LUZP2: variants seen among roughly 807,000 people sequenced by gnomAD.
LUZP2 encodes the protein leucine zipper protein 2.
Under a neutral mutation model 51.6 loss-of-function variants are expected in LUZP2, and 52 were observed. That is an observed-to-expected ratio of 1.01 (90% CI 0.81 to 1.27). The LOEUF is 1.27. Among genes scored for constraint, LUZP2 ranks in the 50% most tolerant of loss-of-function variants. The pLI is 0.00. For synonymous variants in LUZP2, 154 were observed against 137.3 expected (o/e 1.12, Z -0.85); for missense variants, 436 against 395.4 (o/e 1.10, Z -0.87).
chr11:24,562,699 C>CAAAAA (rs10692762), intron 1 of LUZP2, among the ~76,000 whole-genome samples: 2 of 138,820 alleles, frequency 1.4e-5, no homozygotes, highest in Admixed American at 7.3e-5. Flanking sequence ...TGAAAAAATA[C>CAAAAA]AAAAAAAAAA....
intron 10 of LUZP2, among the ~76,000 whole-genome samples, chr11:25,069,706 T>A (rs570104240): frequency 5.3e-5 from 8 of 152,094 alleles, no homozygotes; most frequent in African/African-American, 1.4e-4. Flanking sequence ...CAATTCATTT[T>A]ATCAACTTAT....
intron 1 of LUZP2, among the ~76,000 whole-genome samples, chr11:24,595,848 T>A (rs186372856): frequency 8.5e-4 from 129 of 152,296 alleles, no homozygotes; most frequent in African/African-American, 2.8e-3. Context: ...ACATTCAACA[T>A]AGGACAAGCC....
chr11:25,023,278 C>T (rs976649795), intron 9 of LUZP2, among the ~76,000 whole-genome samples: 8 of 151,764 alleles, frequency 5.3e-5, no homozygotes, highest in East Asian at 1.9e-4. Flanking sequence ...CATCTAATCC[C>T]GGACTTTTTT....
chr11:24,833,783 C>A (rs564726527), intron 5 of LUZP2, among the ~76,000 whole-genome samples: 1 of 152,062 alleles, frequency 6.6e-6, no homozygotes, highest in Admixed American at 6.6e-5. Flanking sequence ...ATTGCCTCCT[C>A]CTCATGTAAG....
At chr11:24,859,667 G>T (rs754511878) in intron 5 of LUZP2, among the ~76,000 whole-genome samples, 1 of 152,194 alleles carries the variant, frequency 6.6e-6, no homozygotes, top group East Asian at 1.9e-4. Context: ...CATCAAAATG[G>T]ACTAGAAGGC....
intron 5 of LUZP2, among the ~76,000 whole-genome samples, chr11:24,885,299 A>T (rs1852634480): frequency 6.6e-6 from 1 of 152,132 alleles, no homozygotes; most frequent in Admixed American, 6.6e-5. Flanking sequence ...TTATTGTAAT[A>T]ATAAGAGCTA....
intron 9 of LUZP2, among the ~76,000 whole-genome samples, chr11:25,030,198 T>C (rs1221518902): frequency 6.6e-6 from 1 of 152,198 alleles, no homozygotes; most frequent in African/African-American, 2.4e-5. Context: ...ATAGAATCAG[T>C]AATATTCTCT....
At position 24,622,119 on chromosome 11, in the gene LUZP2, C is replaced by CT. The variant is rs35713277; in HGVS notation, c.63-107040dup. ...CCAGGCCCAGATAATTTTTGTATTT[C>CT]TTTTTTTTTTAATGTTATTATTATT... On this transcript the variant is annotated intron_variant, in intron 1 of 11. Coordinates refer to ENST00000336930, the MANE Select transcript of LUZP2 (RefSeq NM_001009909.4). Among the ~76,000 whole-genome samples the CT allele has an allele frequency of 1.8e-3, 274 of 149,238 alleles. 4 individuals are homozygous for CT. The highest frequency in any genetic ancestry group is 6.1e-3 in the African/African-American group (249 of 40,748).
At chr11:24,992,078 C>A (rs1274966710) in intron 9 of LUZP2, among the ~76,000 whole-genome samples, 1 of 151,838 alleles carries the variant, frequency 6.6e-6, no homozygotes, top group African/African-American at 2.4e-5. Context: ...TATTGTGGTT[C>A]AGCATTTTTA....
intron 4 of LUZP2, among the ~76,000 whole-genome samples, chr11:24,742,295 T>C (rs1859211414): frequency 6.6e-6 from 1 of 151,804 alleles, no homozygotes; most frequent in Admixed American, 6.6e-5. Flanking sequence ...CCACAGTGGC[T>C]GTACTAGCTT....
At chr11:24,819,414 A>C (rs1166168019) in intron 5 of LUZP2, among the ~76,000 whole-genome samples, 1 of 152,108 alleles carries the variant, frequency 6.6e-6, no homozygotes, top group Non-Finnish European at 1.5e-5. Flanking sequence ...TTGAGTGAAC[A>C]GCTACTTGTA....
intron 1 of LUZP2, among the ~76,000 whole-genome samples, chr11:24,540,340 G>A (rs1159629107): frequency 6.6e-6 from 1 of 152,042 alleles, no homozygotes; most frequent in Non-Finnish European, 1.5e-5. Context: ...TTTGGAGATG[G>A]GGCCTTTGGG....
chr11:24,656,798 G>C (rs924803012), intron 1 of LUZP2, among the ~76,000 whole-genome samples: 1 of 152,100 alleles, frequency 6.6e-6, no homozygotes, highest in Non-Finnish European at 1.5e-5. Flanking sequence ...GAGCCCCTCT[G>C]GTCTCCTCCT....
chr11:24,891,112 C>T, intron 5 of LUZP2: 2 of 982,848 alleles, frequency 2.0e-6, no homozygotes, highest in Non-Finnish European at 2.4e-6. Context: ...AAAAGAAATA[C>T]AAATTAGAAC....
At chr11:24,588,087 AT>A (rs1468721453) in intron 1 of LUZP2, among the ~76,000 whole-genome samples, 2 of 152,036 alleles carry the variant, frequency 1.3e-5, no homozygotes, top group African/African-American at 4.8e-5. Context: ...TTATTTTGGT[AT>A]TTTTTAATAA....
intron 1 of LUZP2, among the ~76,000 whole-genome samples, chr11:24,514,212 G>A (rs1220276457): frequency 6.6e-6 from 1 of 151,982 alleles, no homozygotes; most frequent in African/African-American, 2.4e-5. Context: ...CTAGTTGGTT[G>A]TGTGTGTGTG....
At chr11:24,835,552 A>G (rs1850838822) in intron 5 of LUZP2, among the ~76,000 whole-genome samples, 1 of 152,110 alleles carries the variant, frequency 6.6e-6, no homozygotes, top group South Asian at 2.1e-4. Flanking sequence ...TCTTTAAGCT[A>G]CAGTATACTT....
chr11:24,833,203 T>A (rs1365109533), intron 5 of LUZP2, among the ~76,000 whole-genome samples: 1 of 152,178 alleles, frequency 6.6e-6, no homozygotes, highest in Non-Finnish European at 1.5e-5. Flanking sequence ...AAAGACCTAC[T>A]GTCTAGAATG....
intron 1 of LUZP2, among the ~76,000 whole-genome samples, chr11:24,543,846 G>C (rs903978558): frequency 1.5e-5 from 1 of 64,928 alleles, no homozygotes; most frequent in Non-Finnish European, 3.1e-5. Context: ...AAAAAAAAAA[G>C]ATGGATCAAG....
Sources: gnomAD v4.1 joint callset for allele counts (sites outside exome capture counted in the v4.1 genomes callset) on GRCh38, gnomAD v4.1.1 for gene constraint, MANE v1.5 for transcripts, NCBI Gene and HGNC (gene_info 2026-07-23, HGNC 2026-07-21) for gene names.